Variants in ANKLE1 observed in about 807,000 individuals in gnomAD.
ANKLE1 encodes ankyrin repeat and LEM domain containing 1.
In ANKLE1, 59 loss-of-function variants were observed where a neutral mutation model predicts 56.2. The ratio of observed to expected loss-of-function variants is 1.05; its 90% CI spans 0.85 to 1.30. The LOEUF (loss-of-function observed/expected upper bound fraction) is 1.30. Among genes scored for constraint, ANKLE1 ranks in the 50% most tolerant of loss-of-function variants. The probability of loss-of-function intolerance (pLI) is 0.00; values close to 1 mark genes in which losing one functional copy is unlikely to be tolerated. For missense variants in ANKLE1, 771 were observed against 816.1 expected (o/e 0.94, Z 0.67); for synonymous variants, 341 against 352.9 (o/e 0.97, Z 0.38).
rs1167845640 is a variant in ANKLE1 at position 17,287,492 on chromosome 19, T to A, written c.*940T>A. 1.3e-5 allele frequency: 2 copies of A among 151,900 alleles called. No homozygotes were observed. Among genetic ancestry groups the A allele is most frequent in the African/African-American group, 4.9e-5 (2 of 41,180 alleles). The allele number at this position is 151,900 out of a possible 1,614,324, so 9.4% of individuals were successfully genotyped here. A position where few individuals can be genotyped will look rare whatever the true frequency, so the allele number is the denominator to read the frequency against. ...TCAGGACGTTAACCTTTAGACCCTA[T>A]ATGGTCTAAAAAGGGGAGGCATGAA... On this transcript the variant is annotated 3_prime_UTR_variant, in exon 9 of 9. Transcript: ENST00000404085.
intron 2 of ANKLE1, 77 bp from the exon 3 acceptor site, chr19:17,282,579 C>A: frequency 7.3e-7 from 1 of 1,377,556 alleles, no homozygotes; most frequent in Non-Finnish European, 1.0e-6. Context: ...ACGAAGGCTC[C>A]AGGTCCCCAG....
At position 17,286,792 on chromosome 19, in the gene ANKLE1, G is replaced by A; in HGVS notation, c.*240G>A. On this transcript the variant is annotated 3_prime_UTR_variant, in exon 9 of 9. Coordinates refer to ENST00000404085, the MANE Select transcript of ANKLE1 (RefSeq NM_152363.6). ...GGTACTGCTGGAGAGGTAGTAAGTA[G>A]TGAGCTCCCCATCGTGGGAGGAGGA... 3 of 1,375,128 alleles carry A rather than the reference G, an allele frequency of 2.2e-6. No individual in the cohort carries two copies. Among genetic ancestry groups the A allele is most frequent in the Non-Finnish European group, 2.8e-6 (3 of 1,060,202 alleles). The allele number at this position is 1,375,128 out of a possible 1,614,324, so 85.2% of individuals were successfully genotyped here.
At chr19:17,284,604 G>A (rs969716777) in intron 6 of ANKLE1, among the ~76,000 whole-genome samples, 5 of 150,474 alleles carry the variant, frequency 3.3e-5, no homozygotes, top group Non-Finnish European at 5.9e-5. Flanking sequence ...GGCTGGTCTC[G>A]AACTCCTGAC....
chr19:17,282,888 G>C lies in ANKLE1; in HGVS notation c.346G>C (p.Ala116Pro), dbSNP rs1414199904. The C allele has an allele frequency of 6.3e-7, 1 of 1,580,076 alleles. No homozygotes were observed. The highest frequency in any genetic ancestry group is 2.3e-5 in the East Asian group (1 of 43,694). The change falls in exon 4 of 9, where the codon GCC (alanine) becomes CCC (proline). Residue 116 changes from alanine to proline, a missense_variant. By Grantham distance (27) the Ala-to-Pro change is conservative (BLOSUM62 -1). Coordinates refer to ENST00000404085, the MANE Select transcript of ANKLE1 (RefSeq NM_152363.6). Reference protein sequence around the residue: ...DQDGLRPLDLALQQGHLECAR... With the variant: ...DQDGLRPLDLPLQQGHLECAR... ...GGACGGACTCCGGCCGCTGGACCTG[G>C]CCCTGCAGCAGGGACACCTGGAGTG...
chr19:17,282,291 G>A (rs1020107616), intron 2 of ANKLE1, 82 bp downstream of exon 2: 3 of 1,281,598 alleles, frequency 2.3e-6, no homozygotes, highest in Non-Finnish European at 2.9e-6. Context: ...ATCATCCCGG[G>A]CCAGGCCTCG....
intron 7 of ANKLE1, 35 bp from the exon 8 acceptor site, chr19:17,285,646 G>A: frequency 6.2e-7 from 1 of 1,613,922 alleles, no homozygotes; most frequent in East Asian, 2.2e-5. Context: ...GGCAGGGGAG[G>A]GTATTGGGGG....
Position 17,282,229 on chromosome 19 carries a change from C to CG in ANKLE1, c.215+24dup. ...CGCTCGGTAAGATAGAGCCTGGGTC[C>CG]GGGGCGGGGTCTCCCCAAGCCGAAG... On this transcript the variant is annotated intron_variant, in intron 2 of 8. Transcript: ENST00000404085. 6.8e-7 allele frequency: 1 copy of CG among 1,465,362 alleles called. No homozygotes were observed. The highest frequency in any genetic ancestry group is 9.0e-7 in the Non-Finnish European group (1 of 1,113,296). The allele number at this position is 1,465,362 out of a possible 1,614,324, so 90.8% of individuals were successfully genotyped here. A position where few individuals can be genotyped will look rare whatever the true frequency, so the allele number is the denominator to read the frequency against.
In ANKLE1 at chr19:17,283,000, G is replaced by A; in HGVS notation, c.458G>A (p.Gly153Asp). Residue 153 changes from glycine (G) to aspartate (D), a missense_variant and splice_region_variant, in exon 4 of 9, where the codon GGC (glycine) becomes GAC (aspartate). By Grantham distance (94) the Gly-to-Asp change is moderately conservative. Transcript: ENST00000404085. ...ACTCAGGAGCCCGAGCCTGCACCTGGCAGTGAGTAGGGCCTGCAGGGCTGC... is the reference window on the plus strand; with the variant it reads ...ACTCAGGAGCCCGAGCCTGCACCTGACAGTGAGTAGGGCCTGCAGGGCTGC... ...AETQEPEPAPGTPGLSGPTDE... is the reference protein window; with the variant it reads ...AETQEPEPAPDTPGLSGPTDE... 6.4e-7 allele frequency: 1 copy of A among 1,559,764 alleles called. No individual in the cohort carries two copies. The highest frequency in any genetic ancestry group is 8.6e-7 in the Non-Finnish European group (1 of 1,159,246).
rs746772008 is a variant in ANKLE1, at chr19:17,281,929, G to C, written c.9G>C (p.Ser3=). MC[S]EARLARRLRD... ...TCGGACCCAGCCAGGGCATGTGCTC[G>C]GAGGCCCGCCTGGCTCGCAGGTTGC... Residue 3 remains serine, a synonymous_variant, in exon 1 of 9, where the codon TCG becomes TCC. Coordinates refer to ENST00000404085, the MANE Select transcript of ANKLE1 (RefSeq NM_152363.6). 17 of 1,534,782 alleles carry C rather than the reference G, an allele frequency of 1.1e-5. No homozygotes were observed. The highest frequency in any genetic ancestry group is 1.2e-5 in the South Asian group (1 of 83,944).
chr19:17,281,903 T>C lies in ANKLE1; in HGVS notation c.-18T>C, dbSNP rs918979380. 28 of 1,535,126 alleles carry C rather than the reference T, an allele frequency of 1.8e-5. No homozygotes were observed. The highest frequency in any genetic ancestry group is 2.4e-5 in the Non-Finnish European group (27 of 1,146,374). On this transcript the variant is annotated 5_prime_UTR_variant, in exon 1 of 9. Coordinates refer to ENST00000404085, the MANE Select transcript of ANKLE1 (RefSeq NM_152363.6). ...GAAATCGACCGACCAGGCGGTGCGC[T>C]TCGGACCCAGCCAGGGCATGTGCTC... is the stretch of plus-strand genomic sequence containing the variant.
rs2145640773 is a variant in ANKLE1, at chr19:17,285,488, G to A, written c.1434G>A (p.Gln478=). 2 of 1,613,936 alleles carry A rather than the reference G, an allele frequency of 1.2e-6. No individual in the cohort carries two copies. Among genetic ancestry groups the A allele is most frequent in the South Asian group, 2.2e-5 (2 of 91,084 alleles). Residue 478 remains glutamine, a synonymous_variant, in exon 7 of 9, where the codon CAG becomes CAA. Coordinates refer to ENST00000404085, the MANE Select transcript of ANKLE1 (RefSeq NM_152363.6). ...AFSLTPAERL[Q]TFIRAIFYVG... The stretch of plus-strand genomic sequence containing the variant: ...CACTGACCCCAGCTGAGCGCCTTCA[G>A]ACTTTCATCCGTGCCATCTTCTACG...
chr19:17,283,215 T>G lies in ANKLE1; in HGVS notation c.461-10T>G. 6.3e-7 allele frequency: 1 copy of G among 1,597,998 alleles called. No individual in the cohort carries two copies. Among genetic ancestry groups the G allele is most frequent in the Non-Finnish European group, 8.5e-7 (1 of 1,170,062 alleles). ...CTCCTCTCCTCTCTGGCCCCCACTC[T>G]CACCTGCAGCCCCAGGCCTCTCTGG... On this transcript the variant is annotated splice_polypyrimidine_tract_variant and intron_variant, in intron 4 of 8. Coordinates refer to ENST00000404085, the MANE Select transcript of ANKLE1 (RefSeq NM_152363.6).
Position 17,286,737 on chromosome 19 carries a change from C to T in ANKLE1, c.*185C>T. 6.9e-7 allele frequency: 1 copy of T among 1,452,820 alleles called. No homozygotes were observed. Among genetic ancestry groups the T allele is most frequent in the East Asian group, 2.6e-5 (1 of 38,480 alleles). 90.0% of individuals were successfully genotyped at this position (1,452,820 alleles called of 1,614,324 possible). A position where few individuals can be genotyped will look rare whatever the true frequency, so the allele number is the denominator to read the frequency against. ...GTAGGGAGCACCCAGGCAGATCTCC[C>T]CCAGGCTGAGAGAGGACTTTGTTAC... On this transcript the variant is annotated 3_prime_UTR_variant, in exon 9 of 9. Coordinates refer to ENST00000404085, the MANE Select transcript of ANKLE1 (RefSeq NM_152363.6).
intron 6 of ANKLE1, 80 bp from the exon 7 acceptor site, chr19:17,285,351 A>C: frequency 6.4e-7 from 1 of 1,552,030 alleles, no homozygotes; most frequent in Non-Finnish European, 8.8e-7. Flanking sequence ...CATGGGTTCA[A>C]GATATGTTGT....
In ANKLE1 at chr19:17,283,979, C is replaced by T. The variant is rs768767390; in HGVS notation, c.1198+17C>T. Reference sequence around the variant, plus strand: ...TTGCTCCTGGTTAGTCTTCCCAGGGCACATGGAGTCCAGGGAGCCTCCAGG... The same window carrying T: ...TTGCTCCTGGTTAGTCTTCCCAGGGTACATGGAGTCCAGGGAGCCTCCAGG... On this transcript the variant is annotated intron_variant, in intron 5 of 8. Coordinates refer to ENST00000404085, the MANE Select transcript of ANKLE1 (RefSeq NM_152363.6). 17 of 1,595,344 alleles carry T rather than the reference C, an allele frequency of 1.1e-5. No homozygotes were observed. The highest frequency in any genetic ancestry group is 1.7e-4 in the Middle Eastern group (1 of 5,988).
At chr19:17,285,331 A>T in intron 6 of ANKLE1, 100 bp from the exon 7 acceptor site, 1 of 1,400,404 alleles carries the variant, frequency 7.1e-7, no homozygotes. Flanking sequence ...TGTAATCAGG[A>T]GTCACTAGAC....
Position 17,284,160 on chromosome 19 carries a change from G to T in ANKLE1, c.1270G>T (p.Ala424Ser), listed in dbSNP as rs1023774839. 6.2e-7 allele frequency: 1 copy of T among 1,613,888 alleles called. No homozygotes were observed. The change falls in exon 6 of 9, where the codon GCA (alanine) becomes TCA (serine). Residue 424 changes from alanine (A) to serine (S), a missense_variant. By Grantham distance (99) the Ala-to-Ser change is moderately conservative. Coordinates refer to ENST00000404085, the MANE Select transcript of ANKLE1 (RefSeq NM_152363.6). ...LRTGCIPDVQADEDALAQQFE... is the reference protein window; with the variant it reads ...LRTGCIPDVQSDEDALAQQFE... ...GACGGGCTGTATTCCAGATGTCCAG[G>T]CAGATGAAGACGCGCTGGCCCAGCA...
At chr19:17,286,303 C>T in intron 8 of ANKLE1, 77 bp from the exon 9 acceptor site, 1 of 1,498,270 alleles carries the variant, frequency 6.7e-7, no homozygotes, top group Non-Finnish European at 8.9e-7. Context: ...TACCCAGCCG[C>T]CTGCTGTCAC....
At chr19:17,284,682 C>CTT (rs1298303256) in intron 6 of ANKLE1, among the ~76,000 whole-genome samples, 1 of 52,620 alleles carries the variant, frequency 1.9e-5, no homozygotes, top group Non-Finnish European at 4.3e-5. Flanking sequence ...CCGCACCGGC[C>CTT]TCTTTTTTTT....
Sources: allele counts gnomAD v4.1 joint callset (sites outside exome capture counted in the v4.1 genomes callset), GRCh38; gene constraint gnomAD v4.1.1; transcripts MANE v1.5; gene names NCBI Gene and HGNC (gene_info 2026-07-23, HGNC 2026-07-21).